Variants in TMEM132C observed in about 807,000 individuals in gnomAD.
TMEM132C encodes protein phosphatase 1, regulatory subunit 152.
A neutral mutation model predicts 61.4 loss-of-function variants in TMEM132C; 29 were observed. The observed-to-expected ratio is 0.47, with a 90% confidence interval of 0.35 to 0.64. The LOEUF is 0.64. Among genes scored for constraint, TMEM132C ranks in the 30% least tolerant of loss-of-function variants. The pLI, the probability that TMEM132C is intolerant of heterozygous loss-of-function variation, is 0.00. For synonymous variants in TMEM132C, 656 were observed against 633.1 expected (o/e 1.04, Z -0.54); for missense variants, 1,408 against 1,476.9 (o/e 0.95, Z 0.76).
intron 2 of TMEM132C, among the ~76,000 whole-genome samples, chr12:128,444,500 T>G (rs1869905585): frequency 6.6e-6 from 1 of 152,186 alleles, no homozygotes; most frequent in African/African-American, 2.4e-5. Context: ...GGGAGCAGAC[T>G]GGTAGTGAAT....
At position 128,458,289 on chromosome 12, in the gene TMEM132C, G is replaced by A. The variant is rs932839511; in HGVS notation, c.974+42669G>A. On this transcript the variant is annotated intron_variant, in intron 2 of 8. Transcript: ENST00000435159. ...TTATATAATTATAATATTTAGTATT[G>A]TAATTATATAATTATACTAAAATTA... is the stretch of plus-strand genomic sequence containing the variant. Among the ~76,000 whole-genome samples the A allele has an allele frequency of 1.0e-3, 23 of 22,750 alleles. No homozygotes were observed. In the Admixed American group the frequency reaches 0.019, roughly 18 times the overall value. 14.9% of individuals were successfully genotyped at this position (22,750 alleles called of 152,430 possible). A position where few individuals can be genotyped will look rare whatever the true frequency, so the allele number is the denominator to read the frequency against.
In TMEM132C at chr12:128,630,901, A is replaced by G. The variant is rs1954060222; in HGVS notation, c.1305+14566A>G. Among the ~76,000 whole-genome samples, 1 of 152,066 alleles carries G rather than the reference A, an allele frequency of 6.6e-6. No individual in the cohort carries two copies. Reference sequence around the variant, plus strand: ...ACAAAAATTAGTCGGGCATGGTGGTATGTGCCTGTATTCCCAGCTACTCAG... The same window carrying G: ...ACAAAAATTAGTCGGGCATGGTGGTGTGTGCCTGTATTCCCAGCTACTCAG... On this transcript the variant is annotated intron_variant, in intron 4 of 8. Coordinates refer to ENST00000435159, the MANE Select transcript of TMEM132C (RefSeq NM_001136103.3). The surrounding 1 kb of genome is among the most constrained non-coding windows in gnomAD (Gnocchi z 4.3).
intron 2 of TMEM132C, among the ~76,000 whole-genome samples, chr12:128,514,598 G>A (rs1872664216): frequency 6.6e-6 from 1 of 152,162 alleles, no homozygotes; most frequent in Admixed American, 6.5e-5. Flanking sequence ...CAGATGCAAA[G>A]TCTTCACCCT....
chr12:128,702,244 C>T (rs1954809269), intron 8 of TMEM132C, among the ~76,000 whole-genome samples: 1 of 151,806 alleles, frequency 6.6e-6, no homozygotes, highest in African/African-American at 2.4e-5. Flanking sequence ...TTTAATGTCT[C>T]TTTAATTTTT....
At chr12:128,303,390 T>C (rs1247889868) in intron 1 of TMEM132C, among the ~76,000 whole-genome samples, 5 of 152,200 alleles carry the variant, frequency 3.3e-5, no homozygotes, top group African/African-American at 7.2e-5. Flanking sequence ...AGTAAAGCAA[T>C]GTAGGGATCC....
intron 4 of TMEM132C, among the ~76,000 whole-genome samples, chr12:128,634,688 A>G (rs1461233603): frequency 6.6e-6 from 1 of 152,248 alleles, no homozygotes; most frequent in Non-Finnish European, 1.5e-5. Flanking sequence ...GATCTCATCT[A>G]CAAACTGAGT....
At chr12:128,388,299 C>T (rs1178048130) in intron 1 of TMEM132C, among the ~76,000 whole-genome samples, 3 of 152,274 alleles carry the variant, frequency 2.0e-5, no homozygotes, top group Admixed American at 6.5e-5. Flanking sequence ...TCCCTGACTC[C>T]AGCCGATGGC....
At chr12:128,365,182 A>G (rs1873825144) in intron 1 of TMEM132C, among the ~76,000 whole-genome samples, 1 of 151,920 alleles carries the variant, frequency 6.6e-6, no homozygotes, top group Admixed American at 6.6e-5. Flanking sequence ...TCCTCTCTTG[A>G]CTCTGCTCTT....
Position 128,492,300 on chromosome 12 carries a change from A to G in TMEM132C, c.975-51657A>G, listed in dbSNP as rs184836310. Among the ~76,000 whole-genome samples, 1,007 of 152,310 alleles carry G rather than the reference A, an allele frequency of 6.6e-3. 2 individuals are homozygous for G. Among genetic ancestry groups the G allele is most frequent in the Non-Finnish European group, 9.8e-3 (664 of 68,026 alleles). ...AGTCTTTGCTATTGTGAATAGTGCC[A>G]CAATAAACATACATGTGCATGTGCC... is the stretch of plus-strand genomic sequence containing the variant. On this transcript the variant is annotated intron_variant, in intron 2 of 8. Transcript: ENST00000435159.
chr12:128,658,866 T>C (rs180806058), intron 4 of TMEM132C, among the ~76,000 whole-genome samples: 2 of 152,342 alleles, frequency 1.3e-5, no homozygotes, highest in African/African-American at 4.8e-5. Context: ...CAGGCTTTTA[T>C]GGAGGAAGCC....
intron 1 of TMEM132C, among the ~76,000 whole-genome samples, chr12:128,297,018 A>G (rs1204025403): frequency 3.9e-5 from 6 of 152,198 alleles, no homozygotes; most frequent in Admixed American, 3.3e-4. Context: ...TTATGGATGT[A>G]GGAAATACAG....
chr12:128,508,912 T>G (rs1872477251), intron 2 of TMEM132C, among the ~76,000 whole-genome samples: 1 of 152,218 alleles, frequency 6.6e-6, no homozygotes, highest in Non-Finnish European at 1.5e-5. Context: ...CGTGGCTGAC[T>G]TGCACAGTTA....
At chr12:128,535,927 T>G (rs1247264936) in intron 2 of TMEM132C, among the ~76,000 whole-genome samples, 1 of 152,050 alleles carries the variant, frequency 6.6e-6, no homozygotes, top group Non-Finnish European at 1.5e-5. Flanking sequence ...ATAGGAACGC[T>G]TTTACACTGT....
rs78940323 is a variant in TMEM132C, at chr12:128,630,343, G to A, written c.1305+14008G>A. On this transcript the variant is annotated intron_variant, in intron 4 of 8. Transcript: ENST00000435159. This position sits in a 1 kb window ranked among gnomAD's most constrained non-coding sequence, Gnocchi z 4.3. ...CCCACACCACTTAAGCCAAATCAGC[G>A]TAGTTAGAACCTGGGCCTGTGTTTA... Among the ~76,000 whole-genome samples, 3,728 of 152,264 alleles carry A rather than the reference G, an allele frequency of 0.024. 64 individuals carry two copies. Among genetic ancestry groups the A allele is most frequent in the Non-Finnish European group, 0.033 (2,272 of 68,014 alleles).
At chr12:128,687,096 G>A (rs1250636750) in intron 5 of TMEM132C, among the ~76,000 whole-genome samples, 1 of 151,812 alleles carries the variant, frequency 6.6e-6, no homozygotes, top group East Asian at 1.9e-4. Context: ...CAGCTACCCG[G>A]GAGGCTGAGG....
intron 1 of TMEM132C, among the ~76,000 whole-genome samples, chr12:128,349,265 A>G (rs1376725263): frequency 6.6e-6 from 1 of 152,176 alleles, no homozygotes; most frequent in Non-Finnish European, 1.5e-5. Flanking sequence ...GGCCTCCCAA[A>G]GTGCTAGGAT....
intron 1 of TMEM132C, among the ~76,000 whole-genome samples, chr12:128,325,706 C>T (rs761721027): frequency 6.0e-4 from 92 of 152,216 alleles, no homozygotes; most frequent in African/African-American, 2.1e-3. Context: ...TGAAGGATAT[C>T]GTGGCTGTTT....
intron 4 of TMEM132C, 72 bp from the exon 5 acceptor site, chr12:128,669,345 C>G: frequency 6.6e-7 from 1 of 1,515,556 alleles, no homozygotes; most frequent in East Asian, 2.5e-5. Flanking sequence ...GGGAGATTCC[C>G]CCTAGAATTG....
At chr12:128,619,718 T>G (rs1953942334) in intron 4 of TMEM132C, among the ~76,000 whole-genome samples, 1 of 152,196 alleles carries the variant, frequency 6.6e-6, no homozygotes, top group Admixed American at 6.5e-5. Flanking sequence ...GAGAGGTATC[T>G]GAATGGGAGG....
Sources: allele counts gnomAD v4.1 joint callset (sites outside exome capture counted in the v4.1 genomes callset), GRCh38; gene constraint gnomAD v4.1.1; non-coding constraint Gnocchi (gnomAD v3.1); transcripts MANE v1.5; gene names NCBI Gene and HGNC (gene_info 2026-07-23, HGNC 2026-07-21).